The following PLEKHA5 variants were observed in gnomAD, a reference collection of about 807,000 sequenced individuals.
PLEKHA5 encodes pleckstrin homology domain-containing family A member 5.
A neutral mutation model predicts 181.9 loss-of-function variants in PLEKHA5; 55 were observed. That is an observed-to-expected ratio of 0.30 (90% CI 0.24 to 0.38). The LOEUF (loss-of-function observed/expected upper bound fraction) is 0.38. PLEKHA5 is among the 10% of genes least tolerant of loss of function. The pLI is 1.00. For missense variants in PLEKHA5, 1,432 were observed against 1,549.5 expected (o/e 0.92, Z 1.27); for synonymous variants, 535 against 529.4 (o/e 1.01, Z -0.15).
chr12:19,360,323 C>T (rs549999700), intron 28 of PLEKHA5, among the ~76,000 whole-genome samples: 2 of 151,130 alleles, frequency 1.3e-5, no homozygotes, highest in Non-Finnish European at 2.9e-5. Flanking sequence ...ACAAAAAAAA[C>T]GTGGCGGGCA....
At chr12:19,361,843 A>ATAAC in intron 29 of PLEKHA5, 137 bp downstream of exon 29, 1 of 723,292 alleles carries the variant, frequency 1.4e-6, no homozygotes, top group African/African-American at 1.8e-5. Context: ...AGCAAGTTAT[A>ATAAC]TAACCTCTTA....
chr12:19,259,054 C>A (rs2067637415), intron 6 of PLEKHA5, among the ~76,000 whole-genome samples: 1 of 152,020 alleles, frequency 6.6e-6, no homozygotes, highest in South Asian at 2.1e-4. Flanking sequence ...CAAGTAGCTT[C>A]TCTAACAAGT....
At chr12:19,241,937 T>A (rs1366677364) in intron 3 of PLEKHA5, among the ~76,000 whole-genome samples, 1 of 152,184 alleles carries the variant, frequency 6.6e-6, no homozygotes, top group Non-Finnish European at 1.5e-5. Context: ...GTGTGTACAT[T>A]TTAAGAATCA....
chr12:19,343,208 C>T, intron 21 of PLEKHA5, 115 bp from the exon 22 acceptor site: 2 of 579,056 alleles, frequency 3.5e-6, no homozygotes, highest in South Asian at 3.3e-5. Flanking sequence ...ATTCGTAACA[C>T]TTAATTCACT....
At chr12:19,335,683 C>G (rs2093369629) in intron 20 of PLEKHA5, among the ~76,000 whole-genome samples, 1 of 149,506 alleles carries the variant, frequency 6.7e-6, no homozygotes, top group Non-Finnish European at 1.5e-5. Flanking sequence ...CTGCCTCAGC[C>G]TCCTGAGGCG....
intron 25 of PLEKHA5, among the ~76,000 whole-genome samples, chr12:19,351,399 CT>C (rs1481856734): frequency 1.3e-5 from 2 of 151,774 alleles, no homozygotes; most frequent in Non-Finnish European, 2.9e-5. Context: ...ATGTATTTAG[CT>C]TTTTTTTAAG....
At chr12:19,267,743 C>G (rs2071005545) in intron 8 of PLEKHA5, among the ~76,000 whole-genome samples, 1 of 151,764 alleles carries the variant, frequency 6.6e-6, no homozygotes, top group Admixed American at 6.6e-5. Flanking sequence ...GCTGGCAGAT[C>G]ACCTGAGGTC....
In PLEKHA5 at chr12:19,249,897, C is replaced by T. The variant is rs181590030; in HGVS notation, c.228-4043C>T. 5.9e-5 allele frequency among the ~76,000 whole-genome samples: 9 copies of T among 152,236 alleles called. No homozygotes were observed. In the East Asian group the frequency reaches 9.7e-4, roughly 16 times the overall value. On this transcript the variant is annotated intron_variant, in intron 3 of 31. Coordinates refer to ENST00000429027, the MANE Select transcript of PLEKHA5 (RefSeq NM_001256470.2). ...GTAAATATTGCTTTTCTTATTCAGT[C>T]GAGTCAGTTATTTTAAGGGTTATGA...
In PLEKHA5 at chr12:19,276,348, G is replaced by A. The variant is rs569872279; in HGVS notation, c.1313+1365G>A. On this transcript the variant is annotated intron_variant, in intron 11 of 31. Transcript: ENST00000429027. ...GATGTATTCGGGATATAATTGACAA[G>A]TCTAGTTGATTGCTTTGATGTGCTT... is the stretch of plus-strand genomic sequence containing the variant. 2.0e-3 allele frequency among the ~76,000 whole-genome samples: 311 copies of A among 152,296 alleles called. 1 individual carries two copies. Among genetic ancestry groups the A allele is most frequent in the Middle Eastern group, 6.8e-3 (2 of 294 alleles).
chr12:19,363,311 A>G (rs1355578122), intron 29 of PLEKHA5, among the ~76,000 whole-genome samples: 3 of 150,180 alleles, frequency 2.0e-5, no homozygotes, highest in Admixed American at 6.6e-5. Context: ...GTCACCACGC[A>G]TGGCTAATTT....
chr12:19,176,709 C>CATTT (rs2047340807), intron 3 of PLEKHA5: 1 of 152,054 alleles, frequency 6.6e-6, no homozygotes. Flanking sequence ...AGGAAATCAC[C>CATTT]TTCTTATTTT....
chr12:19,256,116 T>C (rs945960981), intron 5 of PLEKHA5, among the ~76,000 whole-genome samples: 1 of 152,104 alleles, frequency 6.6e-6, no homozygotes, highest in Non-Finnish European at 1.5e-5. Context: ...AAAAATTATA[T>C]GAAATCAGTT....
intron 3 of PLEKHA5, chr12:19,201,812 G>A (rs1393264579): frequency 6.6e-6 from 1 of 152,250 alleles, no homozygotes; most frequent in Non-Finnish European, 1.5e-5. Flanking sequence ...GGTGGACGTG[G>A]AGATTGACTG....
chr12:19,302,906 A>ATTTTTTTTTTTTTTT (rs34702332), intron 15 of PLEKHA5, among the ~76,000 whole-genome samples: 8 of 53,992 alleles, frequency 1.5e-4, no homozygotes, highest in African/African-American at 4.5e-4. Flanking sequence ...TCTGTATGAA[A>ATTTTTTTTTTTTTTT]TTTTTTTTTT....
intron 3 of PLEKHA5, among the ~76,000 whole-genome samples, chr12:19,142,466 A>C (rs565791334): frequency 6.6e-6 from 1 of 152,162 alleles, no homozygotes; most frequent in Non-Finnish European, 1.5e-5. Flanking sequence ...TCCTTGCCCA[A>C]TTTTCACAAT....
intron 3 of PLEKHA5, among the ~76,000 whole-genome samples, chr12:19,253,046 AC>A (rs796676457): frequency 3.1e-4 from 36 of 115,044 alleles, no homozygotes; most frequent in African/African-American, 9.9e-4. Context: ...AAAGAGCTAA[AC>A]AGCCAAATCA....
At chr12:19,286,308 G>A (rs2077201848) in intron 12 of PLEKHA5, among the ~76,000 whole-genome samples, 1 of 152,190 alleles carries the variant, frequency 6.6e-6, no homozygotes, top group Non-Finnish European at 1.5e-5. Context: ...TAATGTAACA[G>A]AGTATCAAAA....
intron 3 of PLEKHA5, chr12:19,152,373 T>C (rs1319705829): frequency 1.3e-5 from 2 of 152,122 alleles, no homozygotes; most frequent in African/African-American, 4.8e-5. Flanking sequence ...CTGGAAATAA[T>C]TTAGGAAAAG....
At chr12:19,132,368 A>G (rs1321587868) in intron 2 of PLEKHA5, 25 bp from the exon 3 acceptor site, 59 of 1,159,508 alleles carry the variant, frequency 5.1e-5, no homozygotes, top group Non-Finnish European at 6.9e-5. Context: ...AAGTAATACT[A>G]ATTGTAATAT....
Sources: allele counts gnomAD v4.1 joint callset (sites outside exome capture counted in the v4.1 genomes callset), GRCh38; gene constraint gnomAD v4.1.1; transcripts MANE v1.5; gene names NCBI Gene and HGNC (gene_info 2026-07-23, HGNC 2026-07-21).